The following MITF variants were observed in gnomAD, a reference collection of about 807,000 sequenced individuals.
MITF encodes microphthalmia-associated transcription factor.
MITF carries 17 observed loss-of-function variants against 60.5 expected under a neutral mutation model. That is an observed-to-expected ratio of 0.28 (90% CI 0.19 to 0.42). The LOEUF is 0.42. Among genes scored for constraint, MITF ranks in the 10% least tolerant of loss-of-function variants. MITF has a pLI of 1.00. For synonymous variants in MITF, 260 were observed against 248.5 expected (o/e 1.05, Z -0.43); for missense variants, 622 against 683.5 (o/e 0.91, Z 1.00).
At chr3:69,884,655 A>G (rs1183168783) in intron 2 of MITF, among the ~76,000 whole-genome samples, 5 of 152,290 alleles carry the variant, frequency 3.3e-5, no homozygotes, top group Middle Eastern at 3.4e-3. Flanking sequence ...AGTGCTCCAT[A>G]GAGTTGTCTT....
chr3:69,783,452 C>T (rs564457780), intron 1 of MITF, among the ~76,000 whole-genome samples: 5 of 149,508 alleles, frequency 3.3e-5, no homozygotes, highest in South Asian at 2.1e-4. Context: ...TGTGTGTGCA[C>T]GTATTCAAAG....
intron 1 of MITF, among the ~76,000 whole-genome samples, chr3:69,740,939 G>A (rs778075327): frequency 5.9e-5 from 9 of 152,216 alleles, no homozygotes; most frequent in Admixed American, 1.3e-4. Context: ...CACTGGGCTG[G>A]TTCTTTTTCT....
At chr3:69,943,211 C>G (rs1021049261) in intron 5 of MITF, among the ~76,000 whole-genome samples, 2 of 151,322 alleles carry the variant, frequency 1.3e-5, no homozygotes, top group African/African-American at 4.9e-5. Context: ...CTGACCTTCT[C>G]TTGCATCTCG....
At chr3:69,853,179 A>G (rs1210100138) in intron 1 of MITF, among the ~76,000 whole-genome samples, 1 of 152,110 alleles carries the variant, frequency 6.6e-6, no homozygotes, top group African/African-American at 2.4e-5. Flanking sequence ...AGAACAACCT[A>G]GTAGTCCAGG....
chr3:69,755,433 G>GTTTTTGTT (rs1704103030), intron 1 of MITF, among the ~76,000 whole-genome samples: 2 of 35,398 alleles, frequency 5.7e-5, no homozygotes, highest in African/African-American at 2.8e-4. Context: ...ACCCTTCTGG[G>GTTTTTGTT]TTTTTTTTTT....
intron 1 of MITF, among the ~76,000 whole-genome samples, chr3:69,845,442 C>CTTTTTTTTTTTTTTTTTTTTT (rs751773040): frequency 1.5e-5 from 2 of 136,808 alleles, no homozygotes; most frequent in Non-Finnish European, 3.1e-5. Context: ...TTTTTTCTTT[C>CTTTTTTTTTTTTTTTTTTTTT]TTTTTTTTTT....
At chr3:69,777,698 C>G in intron 1 of MITF, among the ~76,000 whole-genome samples, 1 of 152,042 alleles carries the variant, frequency 6.6e-6, no homozygotes, top group Non-Finnish European at 1.5e-5. Context: ...TCTAGAAGGA[C>G]AAGTCAAGTT....
At chr3:69,896,936 GAATAAC>G (rs1272520274) in intron 2 of MITF, among the ~76,000 whole-genome samples, 2 of 152,174 alleles carry the variant, frequency 1.3e-5, no homozygotes, top group Admixed American at 1.3e-4. Context: ...GTGGAAACTT[GAATAAC>G]AAGTAGGGTT....
intron 5 of MITF, among the ~76,000 whole-genome samples, chr3:69,946,437 C>T (rs1478753688): frequency 1.3e-5 from 2 of 152,150 alleles, no homozygotes; most frequent in African/African-American, 4.8e-5. Flanking sequence ...TGTTGATACT[C>T]TCCCCACCCC....
At chr3:69,753,575 G>A (rs1460904344) in intron 1 of MITF, among the ~76,000 whole-genome samples, 1 of 152,222 alleles carries the variant, frequency 6.6e-6, no homozygotes, top group Non-Finnish European at 1.5e-5. Context: ...GCCCTTGAGA[G>A]CAGCTGCAGG....
intron 1 of MITF, among the ~76,000 whole-genome samples, chr3:69,798,796 A>G (rs2062871527): frequency 6.6e-6 from 1 of 152,160 alleles, no homozygotes; most frequent in African/African-American, 2.4e-5. Context: ...GCCTTTGCAT[A>G]TGCTGCTTTT....
At chr3:69,835,142 C>T (rs1321350321) in intron 1 of MITF, among the ~76,000 whole-genome samples, 2 of 150,556 alleles carry the variant, frequency 1.3e-5, no homozygotes, top group Non-Finnish European at 3.0e-5. Context: ...TTCAATCTCC[C>T]AAGTAGCTGG....
chr3:69,930,918 C>T (rs999435166), intron 2 of MITF, among the ~76,000 whole-genome samples: 3 of 152,212 alleles, frequency 2.0e-5, no homozygotes, highest in African/African-American at 7.2e-5. Flanking sequence ...ATGGGAACAA[C>T]TCAAAGTAAG....
At chr3:69,758,717 T>A in intron 1 of MITF, 1 of 205,152 alleles carries the variant, frequency 4.9e-6, no homozygotes, top group East Asian at 7.5e-5. Flanking sequence ...GAATAAAGAA[T>A]GACCTAGATG....
chr3:69,849,641 A>G (rs1301124507), intron 1 of MITF, among the ~76,000 whole-genome samples: 1 of 152,176 alleles, frequency 6.6e-6, no homozygotes, highest in Non-Finnish European at 1.5e-5. Context: ...AGAGCTTGGA[A>G]TTGAGGCTAG....
At chr3:69,821,350 CT>C (rs2063268205) in intron 1 of MITF, among the ~76,000 whole-genome samples, 1 of 152,114 alleles carries the variant, frequency 6.6e-6, no homozygotes, top group Admixed American at 6.6e-5. Flanking sequence ...ACATTGAAGT[CT>C]TTGTTTTGTG....
intron 1 of MITF, among the ~76,000 whole-genome samples, chr3:69,754,773 A>G (rs1436707611): frequency 2.6e-5 from 4 of 152,050 alleles, no homozygotes; most frequent in Non-Finnish European, 5.9e-5. Flanking sequence ...AAAGAAATAC[A>G]TGGGTAGAGT....
intron 2 of MITF, among the ~76,000 whole-genome samples, chr3:69,912,188 A>G (rs191975976): frequency 1.4e-4 from 22 of 152,352 alleles, no homozygotes; most frequent in Admixed American, 1.0e-3. Flanking sequence ...AAATCACACA[A>G]AGTTATAGGT....
chr3:69,886,008 A>T (rs954461780), intron 2 of MITF, among the ~76,000 whole-genome samples: 17 of 152,126 alleles, frequency 1.1e-4, no homozygotes, highest in Non-Finnish European at 1.9e-4. Context: ...ACTGTCACAG[A>T]GGGGTCAACT....
Sources: allele counts gnomAD v4.1 joint callset (sites outside exome capture counted in the v4.1 genomes callset), GRCh38; gene constraint gnomAD v4.1.1; transcripts MANE v1.5; gene names NCBI Gene and HGNC (gene_info 2026-07-23, HGNC 2026-07-21).